TRAK2: variants seen among roughly 807,000 people sequenced by gnomAD.
TRAK2 encodes trafficking kinesin-binding protein 2.
TRAK2 carries 81 observed loss-of-function variants against 104.6 expected under a neutral mutation model. The observed-to-expected ratio is 0.77, with a 90% CI of 0.65 to 0.93. TRAK2 has a LOEUF of 0.93. Among genes scored for constraint, TRAK2 ranks in the 40% least tolerant of loss-of-function variants. The probability of loss-of-function intolerance (pLI) is 0.00; values close to 1 mark genes in which losing one functional copy is unlikely to be tolerated. For missense variants in TRAK2, 1,002 were observed against 1,089.0 expected, an observed-to-expected ratio of 0.92 and a Z score of 1.12; for synonymous variants, 406 against 394.4, an observed-to-expected ratio of 1.03 and a Z score of -0.35.
rs1951975286 is a variant in TRAK2 at position 201,447,751 on chromosome 2, A to AT, written c.-200+3598dup. 6.6e-6 allele frequency among the ~76,000 whole-genome samples: 1 copy of AT among 152,186 alleles called. No homozygotes were observed. The highest frequency in any genetic ancestry group is 2.4e-5 in the African/African-American group (1 of 41,438). ...TGAGGTTACGGCTGTTAGGGCTTCA[A>AT]TATAATTTTGGGAGGACACAATTCA... On this transcript the variant is annotated intron_variant, in intron 1 of 15. Coordinates refer to ENST00000332624, the MANE Select transcript of TRAK2 (RefSeq NM_015049.3). The surrounding 1 kb of genome is among the most constrained non-coding windows in gnomAD (Gnocchi z 4.1).
At chr2:201,388,133 T>C (rs2540330) in intron 12 of TRAK2, 132 bp from the exon 13 acceptor site, 261,984 of 940,664 alleles carry the variant, frequency 0.28, 39,380 homozygotes, top group Admixed American at 0.4. Context: ...ACCTGGAATA[T>C]AGAAGTAATA....
intron 3 of TRAK2, among the ~76,000 whole-genome samples, chr2:201,406,912 T>C (rs973171101): frequency 1.3e-5 from 2 of 152,338 alleles, no homozygotes; most frequent in East Asian, 1.9e-4. Flanking sequence ...TGAAGATTAC[T>C]ATATAGGGTA....
At chr2:201,386,572 A>C in intron 13 of TRAK2, 88 bp from the exon 14 acceptor site, 1 of 1,460,116 alleles carries the variant, frequency 6.8e-7, no homozygotes, top group Non-Finnish European at 9.4e-7. Context: ...ATGTGTAATA[A>C]CAATAATGAC....
At chr2:201,410,518 T>A in intron 2 of TRAK2, 1 of 990,762 alleles carries the variant, frequency 1.0e-6, no homozygotes, top group South Asian at 1.5e-5. Context: ...TGATTGGAAC[T>A]GAAATAATCC....
chr2:201,409,375 TCTC>T (rs533189739), intron 2 of TRAK2, among the ~76,000 whole-genome samples: 75 of 152,030 alleles, frequency 4.9e-4, no homozygotes, highest in African/African-American at 1.8e-3. Flanking sequence ...TTCTTACAAA[TCTC>T]CTTTTGAAAA....
chr2:201,411,377 A>G (rs966271483), intron 2 of TRAK2: 1 of 748,652 alleles, frequency 1.3e-6, no homozygotes, highest in African/African-American at 1.7e-5. Context: ...GGTCTGCTCC[A>G]ATGTGGCTAA....
intron 1 of TRAK2, among the ~76,000 whole-genome samples, chr2:201,426,821 A>C (rs1166370474): frequency 6.6e-6 from 1 of 152,192 alleles, no homozygotes; most frequent in Non-Finnish European, 1.5e-5. Context: ...TTTTAGATCT[A>C]AATAAGCCCT....
intron 1 of TRAK2, chr2:201,433,395 T>C (rs1951857686): frequency 6.6e-6 from 1 of 152,260 alleles, no homozygotes; most frequent in Non-Finnish European, 1.5e-5. Flanking sequence ...TCCCTCTTTT[T>C]AACTGCCATT....
chr2:201,386,184 T>C lies in TRAK2; in HGVS notation c.1963+34A>G, dbSNP rs756430574. On this transcript the variant is annotated intron_variant, in intron 14 of 15. Coordinates refer to ENST00000332624, the MANE Select transcript of TRAK2 (RefSeq NM_015049.3). ...AGTCAGAATGCAAAGTACTTCTGGT[T>C]ATTATACCATATTCAACCAGACACT... 5.6e-6 allele frequency: 9 copies of C among 1,611,440 alleles called. No homozygotes were observed. In the South Asian group the frequency reaches 9.9e-5, roughly 18 times the overall value.
At chr2:201,400,642 G>C (rs1352267673) in intron 4 of TRAK2, among the ~76,000 whole-genome samples, 1 of 151,978 alleles carries the variant, frequency 6.6e-6, no homozygotes, top group East Asian at 1.9e-4. Context: ...GTAAAAAAGG[G>C]GAGATGCTCC....
intron 1 of TRAK2, among the ~76,000 whole-genome samples, chr2:201,422,817 C>T (rs959091643): frequency 2.0e-5 from 3 of 152,008 alleles, no homozygotes; most frequent in African/African-American, 7.3e-5. Context: ...TGAGTACAGA[C>T]CACGATTTCC....
chr2:201,450,118 T>C (rs1467008778), intron 1 of TRAK2, among the ~76,000 whole-genome samples: 1 of 151,770 alleles, frequency 6.6e-6, no homozygotes, highest in Non-Finnish European at 1.5e-5. Flanking sequence ...TACTTAATTT[T>C]AAAAATAGAA....
intron 1 of TRAK2, among the ~76,000 whole-genome samples, chr2:201,429,832 T>C (rs1278481642): frequency 6.6e-6 from 1 of 152,210 alleles, no homozygotes; most frequent in Non-Finnish European, 1.5e-5. Context: ...TTGGAGAAGT[T>C]TGTTATTGCT....
intron 2 of TRAK2, 77 bp from the exon 3 acceptor site, chr2:201,407,674 T>A (rs1951607566): frequency 7.4e-7 from 1 of 1,346,888 alleles, no homozygotes; most frequent in South Asian, 1.5e-5. Context: ...TGATGAAAAT[T>A]AGTTTTTCTA....
chr2:201,421,433 C>T (rs1454350414), intron 1 of TRAK2, among the ~76,000 whole-genome samples: 1 of 152,036 alleles, frequency 6.6e-6, no homozygotes, highest in African/African-American at 2.4e-5. Flanking sequence ...GGAAAATTAA[C>T]ATTTTGGGCC....
intron 7 of TRAK2, among the ~76,000 whole-genome samples, chr2:201,397,245 C>G (rs1480175401): frequency 6.6e-6 from 1 of 152,162 alleles, no homozygotes; most frequent in African/African-American, 2.4e-5. Context: ...TCCTTTCACT[C>G]TAACATGCTA....
intron 2 of TRAK2, among the ~76,000 whole-genome samples, chr2:201,418,815 A>G (rs1401322351): frequency 6.6e-6 from 1 of 152,180 alleles, no homozygotes; most frequent in African/African-American, 2.4e-5. Context: ...TTTTTCTTTT[A>G]TGTGCAGATT....
At chr2:201,384,021 G>T in intron 15 of TRAK2, 90 bp downstream of exon 15, 1 of 813,022 alleles carries the variant, frequency 1.2e-6, no homozygotes, top group Admixed American at 2.4e-5. Flanking sequence ...TAACATTCTG[G>T]AAATTAAAAT....
At position 201,423,040 on chromosome 2, in the gene TRAK2, CACA is replaced by C. The variant is rs1172462937; in HGVS notation, c.-199-2337_-199-2335del. 3.3e-3 allele frequency among the ~76,000 whole-genome samples: 277 copies of C among 83,154 alleles called. 1 individual carries two copies. Among genetic ancestry groups the C allele is most frequent in the African/African-American group, 0.014 (257 of 18,786 alleles). 54.6% of individuals were successfully genotyped at this position (83,154 alleles called of 152,430 possible). On this transcript the variant is annotated intron_variant, in intron 1 of 15. Transcript: ENST00000332624. ...AATAACAACAGCAACACCACCACCACACACACACACACACACACACACACACAC... is the reference window on the plus strand; with the variant it reads ...AATAACAACAGCAACACCACCACCACCACACACACACACACACACACACAC...
Sources: allele counts gnomAD v4.1 joint callset (sites outside exome capture counted in the v4.1 genomes callset), GRCh38; gene constraint gnomAD v4.1.1; non-coding constraint Gnocchi (gnomAD v3.1); transcripts MANE v1.5; gene names NCBI Gene and HGNC (gene_info 2026-07-23, HGNC 2026-07-21).